The following HCN1 variants were observed in gnomAD, a reference collection of about 807,000 sequenced individuals.
HCN1 encodes the protein potassium/sodium hyperpolarization-activated cyclic nucleotide-gated channel 1.
HCN1 carries 13 observed loss-of-function variants against 78.9 expected under a neutral mutation model. The observed-to-expected ratio is 0.16, with a 90% CI of 0.11 to 0.26. HCN1 has a LOEUF of 0.26. Among genes scored for constraint, HCN1 ranks in the 10% least tolerant of loss-of-function variants. HCN1 has a pLI of 1.00. For missense variants in HCN1, 810 were observed against 1,154.3 expected (o/e 0.70, Z 4.32); for synonymous variants, 552 against 455.5 (o/e 1.21, Z -2.70).
intron 3 of HCN1, among the ~76,000 whole-genome samples, chr5:45,456,893 T>A (rs1283833815): frequency 2.6e-5 from 4 of 152,056 alleles, no homozygotes; most frequent in Admixed American, 2.6e-4. Flanking sequence ...TATAAATGCA[T>A]CATTTATTTG....
chr5:45,348,368 A>T (rs554521573), intron 5 of HCN1, among the ~76,000 whole-genome samples: 1 of 152,218 alleles, frequency 6.6e-6, no homozygotes, highest in African/African-American at 2.4e-5. Flanking sequence ...TGAAGGAAGC[A>T]CTAAACATGG....
chr5:45,668,001 G>C (rs1319168201), intron 1 of HCN1, among the ~76,000 whole-genome samples: 1 of 151,892 alleles, frequency 6.6e-6, no homozygotes, highest in Admixed American at 6.6e-5. Flanking sequence ...CTGGTTAATG[G>C]CATCTAAGAT....
chr5:45,275,569 T>C (rs772391401), intron 6 of HCN1, among the ~76,000 whole-genome samples: 16 of 152,176 alleles, frequency 1.1e-4, no homozygotes, highest in Non-Finnish European at 1.9e-4. Context: ...ATTTCCATTG[T>C]AACTCCTTCA....
intron 7 of HCN1, 69 bp from the exon 8 acceptor site, chr5:45,262,879 G>T: frequency 6.5e-7 from 1 of 1,540,796 alleles, no homozygotes; most frequent in Non-Finnish European, 8.9e-7. Flanking sequence ...AAGTGAGAGT[G>T]GCTCCTGCAA....
At chr5:45,468,545 T>C (rs939386161) in intron 2 of HCN1, among the ~76,000 whole-genome samples, 4 of 152,224 alleles carry the variant, frequency 2.6e-5, no homozygotes, top group Admixed American at 1.3e-4. Flanking sequence ...TGTTTCATTT[T>C]ATTTGCTGCT....
rs1739752913 is a variant in HCN1 at position 45,683,862 on chromosome 5, G to C, written c.425+11807C>G. Among the ~76,000 whole-genome samples, 4 of 151,804 alleles carry C rather than the reference G, an allele frequency of 2.6e-5. No homozygotes were observed. The South Asian group carries it at 8.3e-4, about 32-fold the overall frequency. Reference sequence around the variant, plus strand: ...ATTTTTGTATATTTTGTAGAGACGGGGTCTCGCCATGTTGCCCAGGCTGGT... The same window carrying C: ...ATTTTTGTATATTTTGTAGAGACGGCGTCTCGCCATGTTGCCCAGGCTGGT... On this transcript the variant is annotated intron_variant, in intron 1 of 7. Transcript: ENST00000303230.
At chr5:45,478,026 C>T (rs1041691239) in intron 2 of HCN1, among the ~76,000 whole-genome samples, 7 of 151,896 alleles carry the variant, frequency 4.6e-5, no homozygotes, top group Non-Finnish European at 1.0e-4. Flanking sequence ...TACTTTGAGG[C>T]ACCTATAATC....
At chr5:45,459,308 G>A (rs1405064753) in intron 3 of HCN1, among the ~76,000 whole-genome samples, 4 of 150,984 alleles carry the variant, frequency 2.6e-5, no homozygotes, top group South Asian at 4.2e-4. Context: ...CATACATGAC[G>A]GTTTCCTTCT....
intron 5 of HCN1, among the ~76,000 whole-genome samples, chr5:45,330,065 G>A (rs1236371485): frequency 6.6e-6 from 1 of 151,302 alleles, no homozygotes; most frequent in African/African-American, 2.4e-5. Flanking sequence ...GTGTGTCCAT[G>A]TGCCCCTTAC....
chr5:45,268,458 A>T (rs1423468107), intron 6 of HCN1, among the ~76,000 whole-genome samples: 1 of 152,242 alleles, frequency 6.6e-6, no homozygotes, highest in Non-Finnish European at 1.5e-5. Context: ...AAAAGGAAAT[A>T]AATATAATAT....
At chr5:45,638,959 C>T (rs1458893555) in intron 2 of HCN1, among the ~76,000 whole-genome samples, 1 of 152,136 alleles carries the variant, frequency 6.6e-6, no homozygotes, top group Non-Finnish European at 1.5e-5. Context: ...TTCAGCATAT[C>T]TGTTAAGCTA....
intron 2 of HCN1, among the ~76,000 whole-genome samples, chr5:45,613,910 G>T (rs140065814): frequency 6.6e-6 from 1 of 152,040 alleles, no homozygotes; most frequent in Non-Finnish European, 1.5e-5. Context: ...CAGATAATCC[G>T]CAGTCTTATG....
In HCN1 at chr5:45,466,230, G is replaced by C. The variant is rs368147233; in HGVS notation, c.850-4223C>G. Among the ~76,000 whole-genome samples, 10 of 152,010 alleles carry C rather than the reference G, an allele frequency of 6.6e-5. No individual in the cohort carries two copies. The East Asian group carries it at 1.9e-3, about 29-fold the overall frequency. On this transcript the variant is annotated intron_variant, in intron 2 of 7. Coordinates refer to ENST00000303230, the MANE Select transcript of HCN1 (RefSeq NM_021072.4). ...TCTTTCCTGATGAACTGGATTCATC[G>C]GTCTTTCAATCTAATAGCTTGTATA...
At chr5:45,586,326 G>A (rs188244214) in intron 2 of HCN1, among the ~76,000 whole-genome samples, 146 of 152,294 alleles carry the variant, frequency 9.6e-4, no homozygotes, top group Middle Eastern at 3.4e-3. Context: ...TCTGAGCCAA[G>A]CACGGGATAA....
intron 3 of HCN1, among the ~76,000 whole-genome samples, chr5:45,454,658 A>G (rs76049769): frequency 0.033 from 5,006 of 152,114 alleles, 267 homozygotes; most frequent in African/African-American, 0.11. Flanking sequence ...GAGATTTTTT[A>G]GCTCATTTCT....
At chr5:45,576,187 A>G (rs940722541) in intron 2 of HCN1, 8 of 152,130 alleles carry the variant, frequency 5.3e-5, no homozygotes, top group African/African-American at 1.9e-4. Context: ...AGAAGTGACT[A>G]CATTGCTGCA....
At chr5:45,311,867 C>A (rs1745858116) in intron 5 of HCN1, among the ~76,000 whole-genome samples, 1 of 152,190 alleles carries the variant, frequency 6.6e-6, no homozygotes, top group South Asian at 2.1e-4. Flanking sequence ...AGTTCATCAA[C>A]AGCTTTCTCA....
chr5:45,695,624 G>A (rs757144991), intron 1 of HCN1, 45 bp downstream of exon 1: 1 of 1,588,998 alleles, frequency 6.3e-7, no homozygotes, highest in East Asian at 2.3e-5. Flanking sequence ...GCGCGTTTCA[G>A]GGCGCGCCTG....
chr5:45,544,556 T>C (rs1743170154), intron 2 of HCN1, among the ~76,000 whole-genome samples: 1 of 151,856 alleles, frequency 6.6e-6, no homozygotes, highest in Non-Finnish European at 1.5e-5. Flanking sequence ...TAAATTGTCA[T>C]TTACATTTAC....
Sources: gnomAD v4.1 joint callset for allele counts (sites outside exome capture counted in the v4.1 genomes callset) on GRCh38, gnomAD v4.1.1 for gene constraint, MANE v1.5 for transcripts, NCBI Gene and HGNC (gene_info 2026-07-23, HGNC 2026-07-21) for gene names.